Variants in ZNF385D observed in about 807,000 individuals in gnomAD.
The protein encoded by ZNF385D is zinc finger protein 659.
ZNF385D carries 15 observed loss-of-function variants against 35.8 expected under a neutral mutation model. The ratio of observed to expected loss-of-function variants is 0.42; its 90% CI spans 0.28 to 0.64. The LOEUF (loss-of-function observed/expected upper bound fraction) is 0.64. ZNF385D is among the 30% of genes least tolerant of loss of function. The pLI is 0.23. For synonymous variants in ZNF385D, 212 were observed against 186.8 expected (o/e 1.13, Z -1.10); for missense variants, 474 against 494.6 (o/e 0.96, Z 0.39).
intron 3 of ZNF385D, among the ~76,000 whole-genome samples, chr3:21,961,234 AT>A (rs1702571927): frequency 6.6e-6 from 1 of 152,140 alleles, no homozygotes; most frequent in African/African-American, 2.4e-5. Flanking sequence ...TAATTTTTAA[AT>A]GAATGCCTGG....
At chr3:21,876,212 A>AT (rs973338478) in intron 3 of ZNF385D, among the ~76,000 whole-genome samples, 3 of 151,916 alleles carry the variant, frequency 2.0e-5, no homozygotes, top group Admixed American at 6.6e-5. Context: ...AATGTTTGGA[A>AT]TTTTTCAAAA....
intron 2 of ZNF385D, among the ~76,000 whole-genome samples, chr3:22,252,390 AT>A (rs1335884332): frequency 5.4e-4 from 82 of 152,218 alleles, no homozygotes; most frequent in African/African-American, 1.9e-3. Flanking sequence ...CAACAGAAAG[AT>A]ACTTAAGATG....
Position 21,412,400 on chromosome 3 carries a change from G to A in ZNF385D, c.*8814C>T, listed in dbSNP as rs981475001. 6.6e-6 allele frequency: 1 copy of A among 151,786 alleles called. No individual in the cohort carries two copies. The highest frequency in any genetic ancestry group is 1.5e-5 in the Non-Finnish European group (1 of 67,914). The allele number at this position is 151,786 out of a possible 1,614,324, so 9.4% of individuals were successfully genotyped here. A position where few individuals can be genotyped will look rare whatever the true frequency, so the allele number is the denominator to read the frequency against. On this transcript the variant is annotated 3_prime_UTR_variant, in exon 8 of 8. Transcript: ENST00000281523. ...TTACAAACAAGTGGAATAGAACATA[G>A]AGAATACATAATTTGTTCTAATATT... is the stretch of plus-strand genomic sequence containing the variant.
intron 3 of ZNF385D, among the ~76,000 whole-genome samples, chr3:21,981,551 T>C (rs893376248): frequency 2.0e-5 from 3 of 152,158 alleles, no homozygotes; most frequent in Non-Finnish European, 4.4e-5. Flanking sequence ...GCTGTGCAGA[T>C]GCTCTTAACA....
rs560137422 is a variant in ZNF385D, at chr3:21,978,422, T to C, written c.325+190395A>G. Reference sequence around the variant, plus strand: ...TGCCTTTGCTTTTTAATTTATTTATTTTTGCTTTAAAGGGGGAGAAACATA... The same window carrying C: ...TGCCTTTGCTTTTTAATTTATTTATCTTTGCTTTAAAGGGGGAGAAACATA... On this transcript the variant is annotated intron_variant, in intron 3 of 5. Coordinates refer to the ZNF385D transcript ENST00000494108. 2.6e-5 allele frequency: 4 copies of C among 152,226 alleles called. 1 individual carries two copies. The highest frequency in any genetic ancestry group is 5.9e-5 in the Non-Finnish European group (4 of 68,040). 9.4% of individuals were successfully genotyped at this position (152,226 alleles called of 1,614,324 possible). A position where few individuals can be genotyped will look rare whatever the true frequency, so the allele number is the denominator to read the frequency against.
At chr3:21,637,113 A>T (rs1575372593) in intron 2 of ZNF385D, among the ~76,000 whole-genome samples, 2 of 151,846 alleles carry the variant, frequency 1.3e-5, no homozygotes, top group African/African-American at 4.8e-5. Context: ...ATTAAGTCCC[A>T]CCTATTTATC....
chr3:22,204,276 C>T (rs1697001573), intron 2 of ZNF385D, among the ~76,000 whole-genome samples: 1 of 152,104 alleles, frequency 6.6e-6, no homozygotes, highest in Non-Finnish European at 1.5e-5. Flanking sequence ...GTAAGAATCA[C>T]AGCTTTACAG....
At chr3:21,953,867 C>T (rs1246070090) in intron 3 of ZNF385D, among the ~76,000 whole-genome samples, 1 of 151,902 alleles carries the variant, frequency 6.6e-6, no homozygotes, top group Non-Finnish European at 1.5e-5. Flanking sequence ...CTCACGTATA[C>T]ACACACACAA....
At chr3:22,002,348 C>A (rs767733986) in intron 3 of ZNF385D, among the ~76,000 whole-genome samples, 1 of 151,974 alleles carries the variant, frequency 6.6e-6, no homozygotes, top group Non-Finnish European at 1.5e-5. Context: ...CTAGAGCAAA[C>A]AGATAAATTC....
chr3:21,886,953 C>T (rs948901912), intron 3 of ZNF385D, among the ~76,000 whole-genome samples: 1 of 152,100 alleles, frequency 6.6e-6, no homozygotes, highest in Non-Finnish European at 1.5e-5. Flanking sequence ...TCTGCCACTC[C>T]ATTCAACGCC....
intron 3 of ZNF385D, among the ~76,000 whole-genome samples, chr3:21,820,288 A>G (rs2073346575): frequency 6.6e-6 from 1 of 151,888 alleles, no homozygotes; most frequent in African/African-American, 2.4e-5. Context: ...AAGGCAAGAC[A>G]ATTAAAAATA....
intron 1 of ZNF385D, among the ~76,000 whole-genome samples, chr3:21,694,042 C>CTATTTTTTTTTTTTTTTTT (rs2067379702): frequency 4.5e-5 from 1 of 22,170 alleles, no homozygotes; most frequent in African/African-American, 2.1e-4. Flanking sequence ...CTACGCCTGG[C>CTATTTTTTTTTTTTTTTTT]TTTTTTTTTT....
chr3:21,919,401 G>T (rs1452555326), intron 3 of ZNF385D, among the ~76,000 whole-genome samples: 1 of 152,274 alleles, frequency 6.6e-6, no homozygotes, highest in Admixed American at 6.5e-5. Context: ...TGATATTGTT[G>T]TGAGCTATAA....
intron 2 of ZNF385D, among the ~76,000 whole-genome samples, chr3:22,262,476 A>G (rs959051687): frequency 3.3e-5 from 5 of 151,992 alleles, no homozygotes; most frequent in Admixed American, 3.3e-4. Flanking sequence ...AAGAATAAAG[A>G]GAAAAAATAG....
At chr3:22,091,204 G>A (rs1011472156) in intron 3 of ZNF385D, among the ~76,000 whole-genome samples, 1 of 152,072 alleles carries the variant, frequency 6.6e-6, no homozygotes. Context: ...ACTGAAACTT[G>A]GACACCAAGA....
At chr3:21,997,267 A>G (rs1289041417) in intron 3 of ZNF385D, among the ~76,000 whole-genome samples, 1 of 152,082 alleles carries the variant, frequency 6.6e-6, no homozygotes, top group Non-Finnish European at 1.5e-5. Context: ...CAAATACCAC[A>G]TGTTCTCACT....
At chr3:21,880,632 C>A (rs565655) in intron 3 of ZNF385D, among the ~76,000 whole-genome samples, 1 of 151,660 alleles carries the variant, frequency 6.6e-6, no homozygotes, top group African/African-American at 2.4e-5. Flanking sequence ...CTACAATGGC[C>A]TCTAAGTGTT....
intron 3 of ZNF385D, among the ~76,000 whole-genome samples, chr3:21,875,185 G>A (rs1697898053): frequency 1.3e-5 from 2 of 152,060 alleles, no homozygotes; most frequent in Admixed American, 1.3e-4. Flanking sequence ...ATTAGACCAT[G>A]TCATCTAGAA....
At chr3:21,744,821 G>A (rs1321362283) in intron 1 of ZNF385D, among the ~76,000 whole-genome samples, 1 of 151,454 alleles carries the variant, frequency 6.6e-6, no homozygotes, top group Non-Finnish European at 1.5e-5. Context: ...TAATTTCTAT[G>A]GCCTTGTCCT....
Sources: gnomAD v4.1 joint callset for allele counts (sites outside exome capture counted in the v4.1 genomes callset) on GRCh38, gnomAD v4.1.1 for gene constraint, MANE v1.5 for transcripts, NCBI Gene and HGNC (gene_info 2026-07-23, HGNC 2026-07-21) for gene names.